GRID2: variants seen among roughly 807,000 people sequenced by gnomAD.
GRID2 encodes the protein glutamate ionotropic receptor delta type subunit 2.
Under a neutral mutation model 114.8 loss-of-function variants are expected in GRID2, and 33 were observed. The observed-to-expected ratio is 0.29, with a 90% CI of 0.22 to 0.38. GRID2 has a LOEUF of 0.38. GRID2 is among the 10% of genes least tolerant of loss of function. The pLI, the probability that GRID2 is intolerant of heterozygous loss-of-function variation, is 1.00. For synonymous variants in GRID2, 505 were observed against 449.9 expected (o/e 1.12, Z -1.55); for missense variants, 1,184 against 1,257.7 (o/e 0.94, Z 0.89).
At chr4:92,885,604 G>T (rs1578387245) in intron 2 of GRID2, among the ~76,000 whole-genome samples, 1 of 152,124 alleles carries the variant, frequency 6.6e-6, no homozygotes, top group Non-Finnish European at 1.5e-5. Context: ...TGATGATTCT[G>T]TTGTTTAAAG....
At chr4:92,338,105 G>A (rs558879066) in intron 1 of GRID2, among the ~76,000 whole-genome samples, 5 of 152,168 alleles carry the variant, frequency 3.3e-5, no homozygotes, top group African/African-American at 9.6e-5. Flanking sequence ...TTAAGCCTTG[G>A]GACATGGTAG....
At chr4:92,558,106 AC>A (rs1208925638) in intron 1 of GRID2, among the ~76,000 whole-genome samples, 5 of 152,120 alleles carry the variant, frequency 3.3e-5, no homozygotes, top group African/African-American at 1.2e-4. Flanking sequence ...CAATTGGGTA[AC>A]ATTGTTCCTG....
At chr4:92,497,468 A>T (rs1019662094) in intron 1 of GRID2, among the ~76,000 whole-genome samples, 2 of 151,840 alleles carry the variant, frequency 1.3e-5, no homozygotes, top group Non-Finnish European at 3.0e-5. Context: ...TTTAAAAATT[A>T]AAAAAATAGA....
intron 2 of GRID2, among the ~76,000 whole-genome samples, chr4:92,946,230 A>AT (rs1200707628): frequency 2.0e-5 from 3 of 152,020 alleles, no homozygotes; most frequent in African/African-American, 7.2e-5. Flanking sequence ...CAAACAATTT[A>AT]TTTTTTCTTA....
chr4:93,110,661 A>T (rs565197608), intron 3 of GRID2, 87 bp from the exon 4 acceptor site: 1 of 872,694 alleles, frequency 1.1e-6, no homozygotes, highest in South Asian at 1.4e-5. Context: ...GTGGAACAAT[A>T]ATCTATTCTG....
intron 7 of GRID2, among the ~76,000 whole-genome samples, chr4:93,231,484 C>T (rs902243948): frequency 2.6e-5 from 4 of 151,210 alleles, no homozygotes; most frequent in South Asian, 2.1e-4. Flanking sequence ...ACAAAAAGAC[C>T]CAAATGTGGT....
chr4:93,453,351 A>T (rs1288403585), intron 10 of GRID2, among the ~76,000 whole-genome samples: 5 of 108,030 alleles, frequency 4.6e-5, no homozygotes, highest in African/African-American at 1.4e-4. Context: ...AGAGAGAGAG[A>T]GAGAGAGAGT....
Position 92,650,501 on chromosome 4 carries a change from A to T in GRID2, c.244+60215A>T, listed in dbSNP as rs529646501. 1.5e-3 allele frequency among the ~76,000 whole-genome samples: 224 copies of T among 152,226 alleles called. 1 individual carries two copies. Among genetic ancestry groups the T allele is most frequent in the Non-Finnish European group, 2.9e-3 (198 of 67,984 alleles). ...TTCATTCGTATCTACATTGAGAAATATTAGTCCAATTTCCCTTTGGTAATA... is the reference window on the plus strand; with the variant it reads ...TTCATTCGTATCTACATTGAGAAATTTTAGTCCAATTTCCCTTTGGTAATA... On this transcript the variant is annotated intron_variant, in intron 2 of 15. Coordinates refer to ENST00000282020, the MANE Select transcript of GRID2 (RefSeq NM_001510.4).
chr4:93,657,663 C>T (rs1004008327), intron 14 of GRID2, among the ~76,000 whole-genome samples: 6 of 152,152 alleles, frequency 3.9e-5, no homozygotes, highest in African/African-American at 1.4e-4. Context: ...AAACTGATCC[C>T]TCTACTTCCA....
chr4:93,655,057 A>C (rs1486467577), intron 14 of GRID2, among the ~76,000 whole-genome samples: 1 of 152,112 alleles, frequency 6.6e-6, no homozygotes, highest in Non-Finnish European at 1.5e-5. Context: ...CTACCTTTTG[A>C]TCTTACCCAT....
intron 8 of GRID2, among the ~76,000 whole-genome samples, chr4:93,242,317 AGGGCTATT>A (rs1747623921): frequency 4.8e-5 from 1 of 20,744 alleles, no homozygotes; most frequent in Admixed American, 8.4e-4. Context: ...AATGCCAGGG[AGGGCTATT>A]GGCTCACATG....
chr4:92,762,134 C>A (rs556902001), intron 2 of GRID2, among the ~76,000 whole-genome samples: 78 of 152,040 alleles, frequency 5.1e-4, no homozygotes, highest in African/African-American at 1.5e-3. Flanking sequence ...AGGATGGTCT[C>A]CATCTCCTGA....
At chr4:93,038,492 TAA>T (rs1725143822) in intron 2 of GRID2, among the ~76,000 whole-genome samples, 1 of 152,002 alleles carries the variant, frequency 6.6e-6, no homozygotes, top group Admixed American at 6.6e-5. Context: ...TGGCGATTAT[TAA>T]AAAGTCAGGA....
intron 2 of GRID2, among the ~76,000 whole-genome samples, chr4:92,651,833 A>G (rs111342157): frequency 6.6e-6 from 1 of 152,262 alleles, no homozygotes; most frequent in African/African-American, 2.4e-5. Flanking sequence ...GTGGGGTTGT[A>G]GTACTGCAGC....
At chr4:92,908,561 CAA>C (rs762037449) in intron 2 of GRID2, among the ~76,000 whole-genome samples, 1 of 35,990 alleles carries the variant, frequency 2.8e-5, no homozygotes, top group African/African-American at 8.9e-5. Context: ...GACTCCATCT[CAA>C]AAAAAAAAAA....
intron 12 of GRID2, among the ~76,000 whole-genome samples, chr4:93,493,413 C>T (rs925804541): frequency 4.0e-5 from 6 of 151,684 alleles, no homozygotes; most frequent in Admixed American, 6.6e-5. Context: ...TTCTTATTGC[C>T]ATTTTATGGA....
chr4:93,323,031 G>A (rs560739363), intron 8 of GRID2, among the ~76,000 whole-genome samples: 155 of 152,190 alleles, frequency 1.0e-3, no homozygotes, highest in South Asian at 2.9e-3. Flanking sequence ...CTTTTGCTGC[G>A]CAGGAGCTCT....
In GRID2 at chr4:93,379,597, C is replaced by T. The variant is rs141359658; in HGVS notation, c.1246-16010C>T. ...CGCTACATATTTATTAAACTAATTA[C>T]AACATATTGCGCAAAATAAAATACT... is the stretch of plus-strand genomic sequence containing the variant. On this transcript the variant is annotated intron_variant, in intron 8 of 15. Transcript: ENST00000282020. 9.2e-4 allele frequency among the ~76,000 whole-genome samples: 140 copies of T among 152,222 alleles called. 1 individual carries two copies. The highest frequency in any genetic ancestry group is 3.2e-3 in the African/African-American group (131 of 41,554).
intron 4 of GRID2, among the ~76,000 whole-genome samples, chr4:93,199,372 C>G (rs1357274085): frequency 6.6e-6 from 1 of 152,154 alleles, no homozygotes; most frequent in African/African-American, 2.4e-5. Flanking sequence ...TTGGTCTATG[C>G]CACATGATGA....
Sources: gnomAD v4.1 joint callset for allele counts (sites outside exome capture counted in the v4.1 genomes callset) on GRCh38, gnomAD v4.1.1 for gene constraint, MANE v1.5 for transcripts, NCBI Gene and HGNC (gene_info 2026-07-23, HGNC 2026-07-21) for gene names.